The following NCSTN variants were observed in gnomAD, a reference collection of about 807,000 sequenced individuals.
NCSTN encodes anterior pharynx-defective 2.
Under a neutral mutation model 87.0 loss-of-function variants are expected in NCSTN, and 22 were observed. The ratio of observed to expected loss-of-function variants is 0.25; its 90% CI spans 0.18 to 0.36. The LOEUF (loss-of-function observed/expected upper bound fraction) is 0.36. NCSTN is among the 10% of genes least tolerant of loss of function. The pLI is 1.00. For missense variants in NCSTN, 693 were observed against 883.3 expected (o/e 0.78, Z 2.73); for synonymous variants, 306 against 327.1 (o/e 0.94, Z 0.69).
At chr1:160,346,507 A>G (rs1231714032) in intron 2 of NCSTN, among the ~76,000 whole-genome samples, 3 of 152,154 alleles carry the variant, frequency 2.0e-5, no homozygotes, top group African/African-American at 4.8e-5. Context: ...TCCCTGAGCT[A>G]TAGTATCTGT....
At chr1:160,344,560 C>G in intron 1 of NCSTN, 162 bp from the exon 2 acceptor site, 1 of 1,550,890 alleles carries the variant, frequency 6.4e-7, no homozygotes, top group Non-Finnish European at 8.7e-7. Context: ...GTATCTGTTA[C>G]GATAAGTGTG....
rs368036006 is a variant in NCSTN, at chr1:160,358,321, T to TC, written c.*51dup. On this transcript the variant is annotated 3_prime_UTR_variant, in exon 17 of 17. Coordinates refer to ENST00000294785, the MANE Select transcript of NCSTN (RefSeq NM_015331.3). ...GCTCAGCAGTTCACTTCCTAGAGCA[T>TC]CTGTCCCACTGGGACACAACCACTA... is the stretch of plus-strand genomic sequence containing the variant. 57 of 1,612,530 alleles carry TC rather than the reference T, an allele frequency of 3.5e-5. No individual in the cohort carries two copies. The East Asian group carries it at 5.1e-4, about 15-fold the overall frequency.
At chr1:160,356,534 T>G in intron 14 of NCSTN, 66 bp from the exon 15 acceptor site, 1 of 1,597,924 alleles carries the variant, frequency 6.3e-7, no homozygotes, top group South Asian at 1.1e-5. Context: ...CTGCCAATCT[T>G]GGGCTTTTCC....
In NCSTN at chr1:160,356,588, G is replaced by A. The variant is rs1405132378; in HGVS notation, c.1640-12G>A. On this transcript the variant is annotated splice_polypyrimidine_tract_variant and intron_variant, in intron 14 of 16. Transcript: ENST00000294785. ...CCCACCAAATCTTCCCTTCCCTTTG[G>A]TCTGCACTCAGGTGACGGGCCTCTT... 3.7e-6 allele frequency: 6 copies of A among 1,613,910 alleles called. No individual in the cohort carries two copies. The highest frequency in any genetic ancestry group is 2.2e-5 in the East Asian group (1 of 44,858).
intron 5 of NCSTN, 48 bp downstream of exon 5, chr1:160,350,298 T>C (rs1648765099): frequency 1.2e-6 from 2 of 1,606,266 alleles, no homozygotes. Context: ...AAGAAGATTA[T>C]TTTTCTAGCC....
chr1:160,343,936 C>G, intron 1 of NCSTN: 1 of 245,986 alleles, frequency 4.1e-6, no homozygotes. Flanking sequence ...AAGTCTGTGT[C>G]CCCCTGCCTT....
chr1:160,358,519 A>T lies in NCSTN; in HGVS notation c.*248A>T. 1.8e-6 allele frequency: 1 copy of T among 550,560 alleles called. No individual in the cohort carries two copies. The highest frequency in any genetic ancestry group is 3.2e-6 in the Non-Finnish European group (1 of 308,590). The allele number at this position is 550,560 out of a possible 1,614,324, so 34.1% of individuals were successfully genotyped here. On this transcript the variant is annotated 3_prime_UTR_variant, in exon 17 of 17. Transcript: ENST00000294785. The stretch of plus-strand genomic sequence containing the variant: ...TTCTCTACTCATGCCAGATTTTGGG[A>T]TTACAAATAGAAGCTTCTTGCTCCT...
Position 160,358,508 on chromosome 1 carries a change from C to A in NCSTN, c.*237C>A. 5.3e-6 allele frequency: 3 copies of A among 570,402 alleles called. No homozygotes were observed. Among genetic ancestry groups the A allele is most frequent in the Non-Finnish European group, 9.3e-6 (3 of 321,540 alleles). The allele number at this position is 570,402 out of a possible 1,614,324, so 35.3% of individuals were successfully genotyped here. A position where few individuals can be genotyped will look rare whatever the true frequency, so the allele number is the denominator to read the frequency against. On this transcript the variant is annotated 3_prime_UTR_variant, in exon 17 of 17. Transcript: ENST00000294785. ...TTTCCTCTTCCTTCTCTACTCATGC[C>A]AGATTTTGGGATTACAAATAGAAGC...
At chr1:160,349,806 A>G in intron 4 of NCSTN, 136 bp downstream of exon 4, 6 of 1,298,986 alleles carry the variant, frequency 4.6e-6, no homozygotes, top group Non-Finnish European at 6.6e-6. Flanking sequence ...AACAGGGGGT[A>G]GTGTTTATTT....
At position 160,349,658 on chromosome 1, in the gene NCSTN, A is replaced by G. The variant is rs761324517; in HGVS notation, c.424A>G (p.Asn142Asp). The change falls in exon 4 of 17, where the codon AAT becomes GAT. Residue 142 changes from asparagine (N) to aspartate (D), a missense_variant. Physicochemically the swap from Asn to Asp is conservative, Grantham distance 23. This residue lies in a region of NCSTN where 235 missense variants were observed against 233.9 expected (regional missense o/e 1.00). Coordinates refer to ENST00000294785, the MANE Select transcript of NCSTN (RefSeq NM_015331.3). ...CTTCTCTCCTAGTGTACAGTGCCCA[A>G]ATGATGGGTTTGGTAAGTGTCCCAA... ...SGFSPSVQCP[N>D]DGFGVYSNSY... 6.2e-7 allele frequency: 1 copy of G among 1,613,986 alleles called. No individual in the cohort carries two copies. Among genetic ancestry groups the G allele is most frequent in the South Asian group, 1.1e-5 (1 of 91,072 alleles).
chr1:160,354,660 C>A (rs964867785), intron 11 of NCSTN, among the ~76,000 whole-genome samples: 1 of 152,038 alleles, frequency 6.6e-6, no homozygotes, highest in African/African-American at 2.4e-5. Flanking sequence ...AGCAGTCCTT[C>A]TCTGGAACTC....
chr1:160,344,376 A>C, intron 1 of NCSTN: 3 of 1,155,692 alleles, frequency 2.6e-6, no homozygotes, highest in Non-Finnish European at 3.6e-6. Context: ...AGTAATATAC[A>C]TACAGGATAT....
chr1:160,350,328 C>T (rs890857042), intron 5 of NCSTN, 78 bp downstream of exon 5: 23 of 1,552,530 alleles, frequency 1.5e-5, no homozygotes, highest in South Asian at 2.2e-5. Flanking sequence ...GGTGTGTGCA[C>T]GTAGTCCCAG....
chr1:160,352,348 T>TC, intron 8 of NCSTN, 142 bp downstream of exon 8: 1 of 1,027,334 alleles, frequency 9.7e-7, no homozygotes. Flanking sequence ...TACATGTGTC[T>TC]CCCCTTTAGA....
At chr1:160,344,477 G>A (rs550980707) in intron 1 of NCSTN, 2 of 1,519,652 alleles carry the variant, frequency 1.3e-6, no homozygotes, top group East Asian at 4.9e-5. Context: ...CTCTTTTAGT[G>A]TCACTGTCAA....
Position 160,353,196 on chromosome 1 carries a change from A to C in NCSTN, c.1138A>C (p.Thr380Pro). The C allele has an allele frequency of 6.2e-7, 1 of 1,614,140 alleles. No homozygotes were observed. The highest frequency in any genetic ancestry group is 8.5e-7 in the Non-Finnish European group (1 of 1,180,018). The stretch of plus-strand genomic sequence containing the variant: ...AACTTCATTAGAGCTTTGGATGCAC[A>C]CAGATCCTGTTTCTCAGAAAAATGA... ...LRTSLELWMH[T>P]DPVSQKNESV... Residue 380 changes from threonine to proline, a missense_variant, in exon 10 of 17, where the codon ACA becomes CCA. Thr to Pro is a conservative substitution (Grantham distance 38, BLOSUM62 -1). Around this residue, in one of 4 missense-constraint regions of NCSTN, gnomAD observed 108 missense variants for 111.6 expected, o/e 0.97. Transcript: ENST00000294785.
At position 160,356,748 on chromosome 1, in the gene NCSTN, C is replaced by T; in HGVS notation, c.1788C>T (p.Asn596=). The T allele has an allele frequency of 1.2e-6, 2 of 1,614,208 alleles. No individual in the cohort carries two copies. The highest frequency in any genetic ancestry group is 1.7e-6 in the Non-Finnish European group (2 of 1,180,044). The part of the protein sequence containing the change: ...CQDPSKVPSE[N]KDLYEYSWVQ... ...ATCCAAGTAAAGTCCCAAGTGAAAA[C>T]AAGGATGTGAGTGGTGGTGGGTGTT... Residue 596 remains asparagine (N), a synonymous_variant, in exon 15 of 17, where the codon AAC becomes AAT. Coordinates refer to ENST00000294785, the MANE Select transcript of NCSTN (RefSeq NM_015331.3).
At chr1:160,348,900 T>A in intron 2 of NCSTN, 99 bp from the exon 3 acceptor site, 1 of 1,536,174 alleles carries the variant, frequency 6.5e-7, no homozygotes, top group Non-Finnish European at 9.0e-7. Context: ...CCAAATATGT[T>A]GTGACATCTT....
chr1:160,351,140 G>A (rs1053501424), intron 5 of NCSTN, 82 bp from the exon 6 acceptor site: 14 of 1,460,082 alleles, frequency 9.6e-6, no homozygotes, highest in Non-Finnish European at 2.9e-6. Flanking sequence ...CAAAAGGATG[G>A]AACTGGGCCC....
Sources: allele counts gnomAD v4.1 joint callset (sites outside exome capture counted in the v4.1 genomes callset), GRCh38; gene constraint gnomAD v4.1.1; regional missense constraint gnomAD v4.1.1; transcripts MANE v1.5; gene names NCBI Gene and HGNC (gene_info 2026-07-23, HGNC 2026-07-21).